Variants in GARNL3 observed in about 807,000 individuals in gnomAD.
GARNL3 encodes GTPase-activating Rap/Ran-GAP domain-like protein 3.
Under a neutral mutation model 125.0 loss-of-function variants are expected in GARNL3, and 63 were observed. The observed-to-expected ratio is 0.50, with a 90% CI of 0.41 to 0.62. The LOEUF (loss-of-function observed/expected upper bound fraction) is 0.62. Among genes scored for constraint, GARNL3 ranks in the 20% least tolerant of loss-of-function variants. The probability of loss-of-function intolerance (pLI) is 0.00; values close to 1 mark genes in which losing one functional copy is unlikely to be tolerated. For synonymous variants in GARNL3, 439 were observed against 457.5 expected, an observed-to-expected ratio of 0.96 and a Z score of 0.52; for missense variants, 994 against 1,244.0, an observed-to-expected ratio of 0.80 and a Z score of 3.02.
intron 8 of GARNL3, among the ~76,000 whole-genome samples, chr9:127,332,776 C>G (rs1829334805): frequency 6.6e-6 from 1 of 152,160 alleles, no homozygotes; most frequent in Non-Finnish European, 1.5e-5. Flanking sequence ...ATAGTAAACA[C>G]CTGTGGTCCC....
intron 9 of GARNL3, among the ~76,000 whole-genome samples, 164 bp from the exon 10 acceptor site, chr9:127,335,066 T>G (rs1470404623): frequency 1.3e-5 from 2 of 152,144 alleles, no homozygotes; most frequent in African/African-American, 4.8e-5. Context: ...CCTTTCCATG[T>G]GGGGGGTTGC....
chr9:127,320,149 T>A (rs1170108664), intron 5 of GARNL3, among the ~76,000 whole-genome samples: 1 of 152,204 alleles, frequency 6.6e-6, no homozygotes. Flanking sequence ...TCATAAGGAC[T>A]AAATGAGAAA....
chr9:127,298,263 CTG>C (rs2064668305), intron 2 of GARNL3, among the ~76,000 whole-genome samples: 1 of 152,172 alleles, frequency 6.6e-6, no homozygotes, highest in African/African-American at 2.4e-5. Context: ...ATTGCAACCT[CTG>C]CCTTCTGGGT....
At chr9:127,244,168 C>G (rs569541937) in intron 2 of GARNL3, among the ~76,000 whole-genome samples, 6 of 152,280 alleles carry the variant, frequency 3.9e-5, no homozygotes, top group Non-Finnish European at 5.9e-5. Flanking sequence ...TGTCTGCCCT[C>G]AAGGAACTCC....
chr9:127,387,757 AAAAG>A (rs1297447970), intron 25 of GARNL3, among the ~76,000 whole-genome samples: 6 of 151,886 alleles, frequency 4.0e-5, no homozygotes, highest in Admixed American at 6.6e-5. Flanking sequence ...AAAAAAAAAA[AAAAG>A]AAAGAAATCT....
chr9:127,263,843 A>G (rs764378513), upstream of GARNL3: 10 of 1,318,804 alleles, frequency 7.6e-6, no homozygotes, highest in African/African-American at 3.0e-5. Flanking sequence ...CTCTAATCTC[A>G]TTTCTCTCAT....
chr9:127,241,609 G>A (rs1032794208), intron 1 of GARNL3, among the ~76,000 whole-genome samples: 10 of 151,996 alleles, frequency 6.6e-5, no homozygotes, highest in Admixed American at 5.2e-4. Context: ...AGGCAATGGG[G>A]GAAGCCAGGT....
Position 127,335,119 on chromosome 9 carries a change from A to T in GARNL3, c.770-111A>T. 8 of 751,688 alleles carry T rather than the reference A, an allele frequency of 1.1e-5. No individual in the cohort carries two copies. The South Asian group carries it at 1.2e-4, about 11-fold the overall frequency. 46.6% of individuals were successfully genotyped at this position (751,688 alleles called of 1,614,324 possible). On this transcript the variant is annotated intron_variant, in intron 9 of 27. Transcript: ENST00000373387. ...TGCTTCCATGCAGGTGGATAATCCA[A>T]ATATCTTGGAGAATGTCCTGTATAC...
intron 4 of GARNL3, among the ~76,000 whole-genome samples, chr9:127,316,275 C>T (rs1368759385): frequency 1.3e-5 from 2 of 152,152 alleles, no homozygotes; most frequent in African/African-American, 4.8e-5. Context: ...GGCAGGGTGG[C>T]TCATGCCTGT....
chr9:127,255,149 G>T (rs548608124), intron 2 of GARNL3, among the ~76,000 whole-genome samples: 1 of 152,210 alleles, frequency 6.6e-6, no homozygotes, highest in African/African-American at 2.4e-5. Flanking sequence ...TCACTCCTGG[G>T]TATGGAATCT....
intron 1 of GARNL3, among the ~76,000 whole-genome samples, chr9:127,225,909 C>T (rs1280071698): frequency 6.6e-6 from 1 of 151,756 alleles, no homozygotes; most frequent in Non-Finnish European, 1.5e-5. Context: ...GCTCTTCCCC[C>T]GGGGCCTCTC....
chr9:127,343,787 A>G (rs10760481), intron 14 of GARNL3, among the ~76,000 whole-genome samples: 24,938 of 152,224 alleles, frequency 0.16, 2,727 homozygotes, highest in South Asian at 0.36. Flanking sequence ...AACCACACAA[A>G]GACACTGAGA....
chr9:127,343,198 C>T (rs1829962694), intron 14 of GARNL3, among the ~76,000 whole-genome samples: 1 of 152,028 alleles, frequency 6.6e-6, no homozygotes, highest in African/African-American at 2.4e-5. Flanking sequence ...TGCGCCCGGC[C>T]GACCAGCACC....
At chr9:127,357,130 C>G (rs746638312) in intron 20 of GARNL3, 89 bp from the exon 21 acceptor site, 404 of 1,358,658 alleles carry the variant, frequency 3.0e-4, no homozygotes, top group Non-Finnish European at 3.9e-4. Flanking sequence ...GGTGCCTTCT[C>G]TGTAAGGAGG....
chr9:127,388,614 C>T, intron 25 of GARNL3: 1 of 437,696 alleles, frequency 2.3e-6, no homozygotes, highest in South Asian at 2.3e-5. Context: ...AGATAAAGCA[C>T]AGAATTCCCC....
intron 7 of GARNL3, among the ~76,000 whole-genome samples, chr9:127,325,314 C>G (rs542112913): frequency 6.6e-6 from 1 of 152,246 alleles, no homozygotes. Context: ...AACAATCAAA[C>G]TACTTAAATC....
chr9:127,344,381 T>C (rs1283553890), intron 15 of GARNL3, 42 bp downstream of exon 15: 2 of 1,335,808 alleles, frequency 1.5e-6, no homozygotes, highest in African/African-American at 1.4e-5. Flanking sequence ...ACATGTAGTT[T>C]TGAGTTCCAT....
chr9:127,371,358 C>T (rs140830837), intron 22 of GARNL3, among the ~76,000 whole-genome samples: 111 of 152,278 alleles, frequency 7.3e-4, no homozygotes, highest in Non-Finnish European at 1.4e-3. Context: ...CAGCCTCTGC[C>T]TTCCTCTGCC....
chr9:127,320,703 A>G lies in GARNL3; in HGVS notation c.504-12A>G. 3 of 1,605,182 alleles carry G rather than the reference A, an allele frequency of 1.9e-6. No individual in the cohort carries two copies. The highest frequency in any genetic ancestry group is 2.6e-6 in the Non-Finnish European group (3 of 1,172,156). On this transcript the variant is annotated splice_polypyrimidine_tract_variant and intron_variant, in intron 5 of 27. Transcript: ENST00000373387. ...TCTGATGCTGCAGCTCATCCTGTCC[A>G]TTCTATTTCAGTGCCATGAATCTGG...
Sources: gnomAD v4.1 joint callset for allele counts (sites outside exome capture counted in the v4.1 genomes callset) on GRCh38, gnomAD v4.1.1 for gene constraint, MANE v1.5 for transcripts, NCBI Gene and HGNC (gene_info 2026-07-23, HGNC 2026-07-21) for gene names.